DNAH10: variants seen among roughly 807,000 people sequenced by gnomAD.
DNAH10 encodes dynein axonemal heavy chain 10.
In DNAH10, 348 loss-of-function variants were observed where a neutral mutation model predicts 506.6. The observed-to-expected ratio is 0.69, with a 90% confidence interval of 0.63 to 0.75. The LOEUF (loss-of-function observed/expected upper bound fraction) is 0.75, where lower values mean the gene tolerates loss of function less well. Ranked by LOEUF, DNAH10 falls within the 30% of genes least tolerant of loss-of-function variation. The probability of loss-of-function intolerance (pLI) is 0.00; values close to 1 mark genes in which losing one functional copy is unlikely to be tolerated. For missense variants in DNAH10, 5,179 were observed against 5,787.1 expected (o/e 0.89, Z 3.41); for synonymous variants, 2,059 against 2,198.6 (o/e 0.94, Z 1.78).
In DNAH10 at chr12:123,845,632, T is replaced by C. The variant is rs367935517; in HGVS notation, c.5393T>C (p.Val1798Ala). 4 of 1,613,188 alleles carry C rather than the reference T, an allele frequency of 2.5e-6. No homozygotes were observed. The highest frequency in any genetic ancestry group is 3.4e-6 in the Non-Finnish European group (4 of 1,179,854). ...VDWMLLYQGM[V>A]VLAASQVWWT... is the part of the protein sequence containing the mutation. ...TGGATGCTCCTGTACCAGGGCATGG[T>C]GGTGCTGGCCGCTAGCCAGGTGTGG... Residue 1798 changes from valine to alanine, a missense_variant, in exon 31 of 79, where the codon GTG becomes GCG. By Grantham distance (64) the Val-to-Ala change is moderately conservative. Around this residue, in one of 3 missense-constraint regions of DNAH10, gnomAD observed 4,844 missense variants for 5,430.5 expected, o/e 0.89. Transcript: ENST00000673944.
In DNAH10 at chr12:123,830,624, T is replaced by C. The variant is rs371490353; in HGVS notation, c.4470T>C (p.Ala1490=). ...CGTTCACCTTGGAAAATATGTTTGC[T>C]ATGGAACTGCACAAACACACAGATG... ...TETFTLENMF[A]MELHKHTDVL... The change falls in exon 26 of 79, where the codon GCT becomes GCC. Residue 1490 remains alanine, a synonymous_variant. Coordinates refer to ENST00000673944, the MANE Select transcript of DNAH10 (RefSeq NM_001372106.1). 6.2e-7 allele frequency: 1 copy of C among 1,613,902 alleles called. No individual in the cohort carries two copies.
intron 51 of DNAH10, among the ~76,000 whole-genome samples, chr12:123,884,849 C>T (rs1214651921): frequency 6.6e-6 from 1 of 152,176 alleles, no homozygotes; most frequent in African/African-American, 2.4e-5. Flanking sequence ...AAATAAGGAT[C>T]ACTTGTAATT....
chr12:123,786,000 A>C lies in DNAH10; in HGVS notation c.1421+64A>C. On this transcript the variant is annotated intron_variant, in intron 9 of 78. Coordinates refer to ENST00000673944, the MANE Select transcript of DNAH10 (RefSeq NM_001372106.1). This position sits in a 1 kb window ranked among gnomAD's most constrained non-coding sequence, Gnocchi z 4.1. The stretch of plus-strand genomic sequence containing the variant: ...TTTCACTTTTTACTTTTTAGATCTT[A>C]AACAGCTCTATTGAGCTATAATTCA... 2 of 1,494,392 alleles carry C rather than the reference A, an allele frequency of 1.3e-6. No individual in the cohort carries two copies. The highest frequency in any genetic ancestry group is 1.8e-6 in the Non-Finnish European group (2 of 1,099,326). 92.6% of individuals were successfully genotyped at this position (1,494,392 alleles called of 1,614,324 possible). A position where few individuals can be genotyped will look rare whatever the true frequency, so the allele number is the denominator to read the frequency against.
At chr12:123,838,404 C>A (rs1234713935) in intron 28 of DNAH10, 52 bp from the exon 29 acceptor site, 3 of 1,519,546 alleles carry the variant, frequency 2.0e-6, no homozygotes, top group African/African-American at 2.8e-5. Flanking sequence ...AGAACAGTGT[C>A]TCCGCTCTCC....
At chr12:123,766,339 C>T (rs1360840180) in intron 1 of DNAH10, among the ~76,000 whole-genome samples, 1 of 150,278 alleles carries the variant, frequency 6.7e-6, no homozygotes. Context: ...TCTGTCTATC[C>T]TTGTTCCATC....
Position 123,917,340 on chromosome 12 carries a change from TG to T in DNAH10, c.11003-242del, listed in dbSNP as rs1345598056. On this transcript the variant is annotated intron_variant, in intron 63 of 78. Coordinates refer to ENST00000673944, the MANE Select transcript of DNAH10 (RefSeq NM_001372106.1). The surrounding 1 kb of genome is among the most constrained non-coding windows in gnomAD (Gnocchi z 5.6). Reference sequence around the variant, plus strand: ...CTTTAAACTATGGCACCCCAGTCCGTGGAAGCCTGGGTTTTATTTCAGTGTG... The same window carrying T: ...CTTTAAACTATGGCACCCCAGTCCGTGAAGCCTGGGTTTTATTTCAGTGTG... Among the ~76,000 whole-genome samples the T allele has an allele frequency of 1.3e-5, 2 of 152,176 alleles. No homozygotes were observed. Among genetic ancestry groups the T allele is most frequent in the Non-Finnish European group, 1.5e-5 (1 of 68,036 alleles).
At position 123,859,196 on chromosome 12, in the gene DNAH10, C is replaced by T. The variant is rs754006087; in HGVS notation, c.6677C>T (p.Thr2226Met). 18 of 1,611,986 alleles carry T rather than the reference C, an allele frequency of 1.1e-5. No individual in the cohort carries two copies. The highest frequency in any genetic ancestry group is 1.4e-5 in the Non-Finnish European group (17 of 1,179,334). The change falls in exon 38 of 79, where the codon ACG (threonine) becomes ATG (methionine). Residue 2226 changes from threonine (T) to methionine (M), a missense_variant. Thr to Met is a moderately conservative substitution (Grantham distance 81). Coordinates refer to ENST00000673944, the MANE Select transcript of DNAH10 (RefSeq NM_001372106.1). ...TTCGAGACCATGTTAACCCGCCACA[C>T]GACGATGGTGGTGGGGCCCACCAGA... ...QMFETMLTRH[T>M]TMVVGPTRGG...
chr12:123,801,487 T>G (rs1442076299), intron 16 of DNAH10, 55 bp downstream of exon 16: 17 of 1,566,310 alleles, frequency 1.1e-5, no homozygotes, highest in Non-Finnish European at 1.5e-5. Flanking sequence ...AAGTAATTCT[T>G]TTAGGTTGTT....
chr12:123,899,407 C>G (rs1252524839), intron 56 of DNAH10, among the ~76,000 whole-genome samples: 1 of 152,134 alleles, frequency 6.6e-6, no homozygotes, highest in Non-Finnish European at 1.5e-5. Context: ...CCAGCTTGTT[C>G]CCAGATTCCT....
In DNAH10 at chr12:123,787,675, G is replaced by A. The variant is rs888304973; in HGVS notation, c.1422-129G>A. ...GCCGCTTGCCCGCTCTGCCTTTTCC[G>A]ATGAGGCCGTGAAACCAGGGGGGGC... On this transcript the variant is annotated intron_variant, in intron 9 of 78. Transcript: ENST00000673944. The surrounding 1 kb of genome is among the most constrained non-coding windows in gnomAD (Gnocchi z 4.6). 6 of 1,102,586 alleles carry A rather than the reference G, an allele frequency of 5.4e-6. No homozygotes were observed. Among genetic ancestry groups the A allele is most frequent in the Non-Finnish European group, 6.5e-6 (5 of 764,972 alleles). 68.3% of individuals were successfully genotyped at this position (1,102,586 alleles called of 1,614,324 possible).
At chr12:123,766,699 TTGAG>T (rs145498249) in intron 1 of DNAH10, among the ~76,000 whole-genome samples, 4,754 of 152,272 alleles carry the variant, frequency 0.031, 179 homozygotes, top group African/African-American at 0.083. Flanking sequence ...CTTTTACAAT[TTGAG>T]TGGGTCCTGT....
chr12:123,877,714 G>GC lies in DNAH10; in HGVS notation c.8200-22_8200-21insC, dbSNP rs746203280. 62 of 1,603,906 alleles carry GC rather than the reference G, an allele frequency of 3.9e-5. 1 individual carries two copies. Among genetic ancestry groups the GC allele is most frequent in the Non-Finnish European group, 4.7e-5 (55 of 1,174,872 alleles). On this transcript the variant is annotated intron_variant, in intron 47 of 78. Coordinates refer to ENST00000673944, the MANE Select transcript of DNAH10 (RefSeq NM_001372106.1). The stretch of plus-strand genomic sequence containing the variant: ...ACTGAAGGACATTTGTGTGTTGGGG[G>GC]GGGTGTCTTTGCATTTTTCAGACGT...
intron 66 of DNAH10, 182 bp downstream of exon 66, chr12:123,924,049 G>A (rs745355236): frequency 2.7e-5 from 20 of 727,942 alleles, no homozygotes; most frequent in African/African-American, 3.6e-5. Context: ...GGTTGAAATC[G>A]GAGCAGCCAG....
chr12:123,802,925 G>C (rs1347095887), intron 16 of DNAH10, among the ~76,000 whole-genome samples: 1 of 151,862 alleles, frequency 6.6e-6, no homozygotes, highest in Non-Finnish European at 1.5e-5. Flanking sequence ...TAGATTGTTT[G>C]TTTTCTTTAC....
chr12:123,847,760 G>A (rs1245665779), intron 32 of DNAH10, among the ~76,000 whole-genome samples: 1 of 152,178 alleles, frequency 6.6e-6, no homozygotes, highest in East Asian at 1.9e-4. Flanking sequence ...ATCTCTTCCT[G>A]AAACACACTC....
chr12:123,928,853 A>G lies in DNAH10; in HGVS notation c.12306+266A>G. On this transcript the variant is annotated intron_variant, in intron 70 of 78. Coordinates refer to ENST00000673944, the MANE Select transcript of DNAH10 (RefSeq NM_001372106.1). This position sits in a 1 kb window ranked among gnomAD's most constrained non-coding sequence, Gnocchi z 4.9. ...ATCTACGCTACTTTTCATAAACTTC[A>G]CGGCCCCCCCCCCCACACACAGCCT... 1 of 390,732 alleles carries G rather than the reference A, an allele frequency of 2.6e-6. No individual in the cohort carries two copies. 24.2% of individuals were successfully genotyped at this position (390,732 alleles called of 1,614,324 possible). A position where few individuals can be genotyped will look rare whatever the true frequency, so the allele number is the denominator to read the frequency against.
chr12:123,888,149 G>T (rs937218821), intron 52 of DNAH10, among the ~76,000 whole-genome samples: 1 of 152,192 alleles, frequency 6.6e-6, no homozygotes, highest in Non-Finnish European at 1.5e-5. Flanking sequence ...TTGAGGCTGC[G>T]GTAAGTCATG....
chr12:123,880,650 T>TTC lies in DNAH10; in HGVS notation c.8634+853_8634+854dup, dbSNP rs1490695225. 2.3e-5 allele frequency among the ~76,000 whole-genome samples: 3 copies of TTC among 128,492 alleles called. No individual in the cohort carries two copies. In the East Asian group the frequency reaches 6.2e-4, roughly 26 times the overall value. The allele number at this position is 128,492 out of a possible 152,430, so 84.3% of individuals were successfully genotyped here. On this transcript the variant is annotated intron_variant, in intron 50 of 78. Transcript: ENST00000673944. ...ATGAGCCACTGTGCTGGGTTTTAAATTCTCTTTTTTTTTTTAATGCTTTAA... is the reference window on the plus strand; with the variant it reads ...ATGAGCCACTGTGCTGGGTTTTAAATTCTCTCTTTTTTTTTTTAATGCTTTAA...
chr12:123,863,734 G>GTTTGCAAAGGCC (rs1271787059), intron 39 of DNAH10, among the ~76,000 whole-genome samples: 2 of 152,174 alleles, frequency 1.3e-5, no homozygotes, highest in African/African-American at 4.8e-5. Flanking sequence ...CCTTAATTGC[G>GTTTGCAAAGGCC]TTTGCAAAGG....
Sources: allele counts gnomAD v4.1 joint callset (sites outside exome capture counted in the v4.1 genomes callset), GRCh38; gene constraint gnomAD v4.1.1; regional missense constraint gnomAD v4.1.1; non-coding constraint Gnocchi (gnomAD v3.1); transcripts MANE v1.5; gene names NCBI Gene and HGNC (gene_info 2026-07-23, HGNC 2026-07-21).